MOXD1: variants seen among roughly 807,000 people sequenced by gnomAD.
MOXD1 encodes the protein DBH-like monooxygenase protein 1.
Under a neutral mutation model 66.6 loss-of-function variants are expected in MOXD1, and 62 were observed. That is an observed-to-expected ratio of 0.93 (90% CI 0.76 to 1.15). The LOEUF (loss-of-function observed/expected upper bound fraction) is 1.15, where lower values mean the gene tolerates loss of function less well. Ranked by LOEUF, MOXD1 falls within the 50% of genes most tolerant of loss-of-function variation. MOXD1 has a pLI of 0.00. For missense variants in MOXD1, 847 were observed against 754.6 expected, an observed-to-expected ratio of 1.12 and a Z score of -1.44; for synonymous variants, 303 against 281.9, an observed-to-expected ratio of 1.07 and a Z score of -0.75.
chr6:132,368,018 C>G (rs1205228279), intron 4 of MOXD1, among the ~76,000 whole-genome samples: 2 of 151,774 alleles, frequency 1.3e-5, no homozygotes, highest in Non-Finnish European at 2.9e-5. Flanking sequence ...AGGCCATCAG[C>G]AAATTTTCTA....
chr6:132,320,045 G>C (rs1775044364), intron 9 of MOXD1, among the ~76,000 whole-genome samples: 1 of 152,036 alleles, frequency 6.6e-6, no homozygotes, highest in African/African-American at 2.4e-5. Context: ...ATTTCCATCA[G>C]GTGCATACTA....
At chr6:132,384,288 TCCTCCTTCCTTCCTC>T in intron 1 of MOXD1, among the ~76,000 whole-genome samples, 6 of 91,950 alleles carry the variant, frequency 6.5e-5, no homozygotes, top group African/African-American at 1.3e-4. Flanking sequence ...CTTCCTTCCT[TCCTCCTTCCTTCCTC>T]CCTCCCTCCC....
At chr6:132,361,901 C>A (rs1268677292) in intron 4 of MOXD1, among the ~76,000 whole-genome samples, 2 of 152,020 alleles carry the variant, frequency 1.3e-5, no homozygotes, top group African/African-American at 4.8e-5. Context: ...AGTCTTGATA[C>A]CTTAAAGAAG....
At chr6:132,372,782 A>G in intron 3 of MOXD1, 48 bp downstream of exon 3, 1 of 1,610,584 alleles carries the variant, frequency 6.2e-7, no homozygotes, top group Non-Finnish European at 8.5e-7. Flanking sequence ...GCTCGTATAC[A>G]CTTTCAATAA....
At chr6:132,299,559 G>A (rs941479658) in intron 10 of MOXD1, among the ~76,000 whole-genome samples, 5 of 152,132 alleles carry the variant, frequency 3.3e-5, no homozygotes, top group African/African-American at 4.8e-5. Flanking sequence ...AGAATGACAT[G>A]AGCAGACAGA....
intron 4 of MOXD1, among the ~76,000 whole-genome samples, chr6:132,361,762 A>C (rs1024046797): frequency 1.4e-4 from 22 of 152,158 alleles, no homozygotes; most frequent in African/African-American, 5.1e-4. Context: ...AATGAAGCAA[A>C]TCTCAACTAT....
At chr6:132,330,539 T>G (rs1465297524) in intron 4 of MOXD1, among the ~76,000 whole-genome samples, 5 of 152,202 alleles carry the variant, frequency 3.3e-5, no homozygotes, top group African/African-American at 4.8e-5. Context: ...ACCGCTGAGT[T>G]ACAGGGTTCT....
chr6:132,334,701 A>T (rs553480934), intron 4 of MOXD1, among the ~76,000 whole-genome samples: 1 of 152,324 alleles, frequency 6.6e-6, no homozygotes, highest in Non-Finnish European at 1.5e-5. Context: ...TGTCTTCATT[A>T]TTTTGATGAG....
chr6:132,309,740 C>T (rs1382029340), intron 10 of MOXD1, among the ~76,000 whole-genome samples: 2 of 152,122 alleles, frequency 1.3e-5, no homozygotes, highest in Non-Finnish European at 2.9e-5. Flanking sequence ...TTGACAAAAA[C>T]AAGCAATGGG....
At chr6:132,367,626 G>A (rs1301347693) in intron 4 of MOXD1, among the ~76,000 whole-genome samples, 1 of 152,016 alleles carries the variant, frequency 6.6e-6, no homozygotes, top group Non-Finnish European at 1.5e-5. Flanking sequence ...CATTCAGGGA[G>A]CAACATTGAA....
At chr6:132,333,089 C>T (rs1452340983) in intron 4 of MOXD1, among the ~76,000 whole-genome samples, 2 of 152,168 alleles carry the variant, frequency 1.3e-5, no homozygotes, top group African/African-American at 2.4e-5. Context: ...GTAATCCCAG[C>T]ACTTTGGGAG....
chr6:132,384,400 G>A (rs533219659), intron 1 of MOXD1, among the ~76,000 whole-genome samples: 1 of 151,918 alleles, frequency 6.6e-6, no homozygotes, highest in East Asian at 1.9e-4. Flanking sequence ...CAGACCTTAT[G>A]TAGGGTTGAG....
rs558617634 is a variant in MOXD1 at position 132,320,758 on chromosome 6, G to A, written c.1306-70C>T. The A allele has an allele frequency of 1.3e-4, 162 of 1,278,790 alleles. 1 individual carries two copies. In the South Asian group the frequency reaches 1.8e-3, roughly 14 times the overall value. The allele number at this position is 1,278,790 out of a possible 1,614,324, so 79.2% of individuals were successfully genotyped here. ...GCTTATTTATCAAATACATTTGTAC[G>A]TCAACAGTTAATATTTGCTGTATGA... On this transcript the variant is annotated intron_variant, in intron 8 of 11. Coordinates refer to ENST00000367963, the MANE Select transcript of MOXD1 (RefSeq NM_015529.4).
intron 6 of MOXD1, 80 bp downstream of exon 6, chr6:132,327,933 G>T: frequency 1.8e-6 from 2 of 1,093,208 alleles, no homozygotes; most frequent in Non-Finnish European, 2.8e-6. Flanking sequence ...CTGCTATTTT[G>T]TTTCAACTCT....
chr6:132,319,219 C>T (rs1775023608), intron 9 of MOXD1, among the ~76,000 whole-genome samples: 1 of 151,952 alleles, frequency 6.6e-6, no homozygotes, highest in Non-Finnish European at 1.5e-5. Context: ...TTAAAAAATA[C>T]ATGAAAATAT....
In MOXD1 at chr6:132,323,994, G is replaced by A; in HGVS notation, c.1050C>T (p.Thr350=). 1 of 1,613,944 alleles carries A rather than the reference G, an allele frequency of 6.2e-7. No individual in the cohort carries two copies. Among genetic ancestry groups the A allele is most frequent in the Non-Finnish European group, 8.5e-7 (1 of 1,179,942 alleles). Residue 350 remains threonine, a synonymous_variant, in exon 7 of 12, where the codon ACC becomes ACT. Coordinates refer to ENST00000367963, the MANE Select transcript of MOXD1 (RefSeq NM_015529.4). The part of the protein sequence containing the change: ...EAGLWVSLFH[T]IPPGMPEFQS... ...GGAACTCAGGCATCCCTGGAGGGAT[G>A]GTATGGAAGAGGCTCACCCAGAGGC...
chr6:132,306,545 C>T (rs1774692184), intron 10 of MOXD1, among the ~76,000 whole-genome samples: 1 of 151,972 alleles, frequency 6.6e-6, no homozygotes, highest in Non-Finnish European at 1.5e-5. Flanking sequence ...AGATCAACCC[C>T]AAGACACATA....
intron 1 of MOXD1, among the ~76,000 whole-genome samples, chr6:132,383,531 G>C (rs1776552869): frequency 6.6e-6 from 1 of 152,112 alleles, no homozygotes; most frequent in Non-Finnish European, 1.5e-5. Context: ...TGTTCTTTAA[G>C]TGTCACCTTC....
chr6:132,325,358 T>G (rs543685660), intron 6 of MOXD1, among the ~76,000 whole-genome samples: 1 of 152,320 alleles, frequency 6.6e-6, no homozygotes, highest in East Asian at 1.9e-4. Flanking sequence ...AAAGTAGGTT[T>G]GAATGTTGTT....
Sources: gnomAD v4.1 joint callset for allele counts (sites outside exome capture counted in the v4.1 genomes callset) on GRCh38, gnomAD v4.1.1 for gene constraint, MANE v1.5 for transcripts, NCBI Gene and HGNC (gene_info 2026-07-23, HGNC 2026-07-21) for gene names.